Variants in MRC2 observed in about 807,000 individuals in gnomAD.
MRC2 encodes C-type mannose receptor 2.
A neutral mutation model predicts 206.2 loss-of-function variants in MRC2; 84 were observed. The ratio of observed to expected loss-of-function variants is 0.41; its 90% CI spans 0.34 to 0.49. The LOEUF is 0.49. Among genes scored for constraint, MRC2 ranks in the 20% least tolerant of loss-of-function variants. The pLI is 0.31. For missense variants in MRC2, 1,676 were observed against 2,001.5 expected (o/e 0.84, Z 3.10); for synonymous variants, 798 against 800.0 (o/e 1.00, Z 0.04).
chr17:62,682,147 T>A, intron 19 of MRC2, 88 bp from the exon 20 acceptor site: 2 of 1,369,758 alleles, frequency 1.5e-6, no homozygotes, highest in Non-Finnish European at 2.0e-6. Flanking sequence ...CCCAGACTCC[T>A]CTCAGGGCAT....
At chr17:62,658,477 G>A (rs146912690) in intron 1 of MRC2, among the ~76,000 whole-genome samples, 104 of 152,264 alleles carry the variant, frequency 6.8e-4, no homozygotes, top group African/African-American at 1.5e-3. Context: ...TTCTAATCCC[G>A]TCCCCTTTCT....
At position 62,678,573 on chromosome 17, in the gene MRC2, G is replaced by C. The variant is rs1490733309; in HGVS notation, c.2122G>C (p.Gly708Arg). The C allele has an allele frequency of 6.2e-7, 1 of 1,608,916 alleles. No individual in the cohort carries two copies. The highest frequency in any genetic ancestry group is 8.5e-7 in the Non-Finnish European group (1 of 1,178,686). ...GGCCCAGGGGGCCTGCCAGGAGCTG[G>C]GGGCCCAGCTGCTGAGCCTGGCCAG... ...VQAQGACQEL[G>R]AQLLSLASYE... is the part of the protein sequence containing the mutation. The change falls in exon 13 of 30, where the codon GGG (glycine) becomes CGG (arginine). Residue 708 changes from glycine to arginine, a missense_variant. By Grantham distance (125) the Gly-to-Arg change is moderately radical. Transcript: ENST00000303375.
intron 13 of MRC2, among the ~76,000 whole-genome samples, chr17:62,678,860 A>G (rs971149425): frequency 2.6e-5 from 4 of 152,072 alleles, no homozygotes; most frequent in Non-Finnish European, 5.9e-5. Context: ...GGCTGGTGTG[A>G]TCCATGCACT....
chr17:62,666,744 T>A lies in MRC2; in HGVS notation c.860-13T>A. On this transcript the variant is annotated splice_polypyrimidine_tract_variant and intron_variant, in intron 4 of 29. Coordinates refer to ENST00000303375, the MANE Select transcript of MRC2 (RefSeq NM_006039.5). This position sits in a 1 kb window ranked among gnomAD's most constrained non-coding sequence, Gnocchi z 5.0. ...CTGGGGATCCCCTGTTCAGTGTCCC[T>A]CCTTGCTGTCAGGCCTCCTCACTGG... 3 of 1,612,552 alleles carry A rather than the reference T, an allele frequency of 1.9e-6. No individual in the cohort carries two copies. The highest frequency in any genetic ancestry group is 2.5e-6 in the Non-Finnish European group (3 of 1,179,174).
chr17:62,687,598 G>A (rs1342528397), intron 20 of MRC2, among the ~76,000 whole-genome samples: 2 of 152,208 alleles, frequency 1.3e-5, no homozygotes, highest in African/African-American at 4.8e-5. Context: ...ACCTTATAGA[G>A]CTAATGAAAG....
In MRC2 at chr17:62,675,445, G is replaced by A. The variant is rs557361834; in HGVS notation, c.1570-345G>A. Among the ~76,000 whole-genome samples the A allele has an allele frequency of 6.6e-6, 1 of 152,182 alleles. No individual in the cohort carries two copies. Among genetic ancestry groups the A allele is most frequent in the Non-Finnish European group, 1.5e-5 (1 of 68,032 alleles). ...CCCAGCCTTTAGCTGTGGTTTCCCA[G>A]CCAACAGTAATTTCCCCACTGTGTC... is the stretch of plus-strand genomic sequence containing the variant. On this transcript the variant is annotated intron_variant, in intron 9 of 29. Coordinates refer to ENST00000303375, the MANE Select transcript of MRC2 (RefSeq NM_006039.5). The surrounding 1 kb of genome is among the most constrained non-coding windows in gnomAD (Gnocchi z 4.1).
intron 6 of MRC2, among the ~76,000 whole-genome samples, chr17:62,670,231 G>A (rs1029731853): frequency 3.9e-5 from 6 of 152,212 alleles, no homozygotes; most frequent in Non-Finnish European, 8.8e-5. Context: ...GAAGGCAGGC[G>A]CCCCGTCGTG....
Position 62,680,187 on chromosome 17 carries a change from C to G in MRC2, c.2316C>G (p.Phe772Leu). 6.2e-7 allele frequency: 1 copy of G among 1,614,124 alleles called. No homozygotes were observed. The highest frequency in any genetic ancestry group is 8.5e-7 in the Non-Finnish European group (1 of 1,180,002). ...SDGVGFSYHN[F>L]DRSRHDDDDI... is the part of the protein sequence containing the mutation. ...TCCTCCAGTTCTCTTACCACAATTT[C>G]GACCGGAGCCGGCACGACGACGACG... The change falls in exon 15 of 30, where the codon TTC (phenylalanine) becomes TTG (leucine). Residue 772 changes from phenylalanine (F) to leucine (L), a missense_variant. Phe to Leu is a conservative substitution (Grantham distance 22). Coordinates refer to ENST00000303375, the MANE Select transcript of MRC2 (RefSeq NM_006039.5). This position sits in a 1 kb window ranked among gnomAD's most constrained non-coding sequence, Gnocchi z 4.8.
chr17:62,681,692 G>C (rs1319774250), intron 18 of MRC2, 145 bp from the exon 19 acceptor site: 8 of 664,014 alleles, frequency 1.2e-5, no homozygotes, highest in South Asian at 5.4e-5. Context: ...CCTGAGCTCA[G>C]TAGCTCCACC....
In MRC2 at chr17:62,676,402, A is replaced by G. The variant is rs746979857; in HGVS notation, c.1705A>G (p.Ser569Gly). The G allele has an allele frequency of 2.5e-6, 4 of 1,614,072 alleles. No homozygotes were observed. Among genetic ancestry groups the G allele is most frequent in the Admixed American group, 3.3e-5 (2 of 60,004 alleles). Residue 569 changes from serine (S) to glycine (G), a missense_variant, in exon 11 of 30, where the codon AGC (serine) becomes GGC (glycine). Around this residue, in one of 3 missense-constraint regions of MRC2, gnomAD observed 1,354 missense variants for 1,636.6 expected, o/e 0.83. Coordinates refer to ENST00000303375, the MANE Select transcript of MRC2 (RefSeq NM_006039.5). ...CTGAAGGTTCGAGCAGGCCTTCGTC[A>G]GCAGCCTCATCTACAACTGGGAGGG... ...ITNRFEQAFV[S>G]SLIYNWEGEY...
At chr17:62,656,646 G>A (rs1568056948) in intron 1 of MRC2, among the ~76,000 whole-genome samples, 2 of 152,260 alleles carry the variant, frequency 1.3e-5, no homozygotes, top group Non-Finnish European at 2.9e-5. Context: ...CCTTGGTGCT[G>A]CAGCCGACCC....
At chr17:62,670,539 C>G (rs964812742) in intron 6 of MRC2, among the ~76,000 whole-genome samples, 6 of 152,264 alleles carry the variant, frequency 3.9e-5, no homozygotes, top group African/African-American at 1.4e-4. Context: ...CCGAGCATGA[C>G]ACTGTGGGTG....
chr17:62,678,625 A>C lies in MRC2; in HGVS notation c.2174A>C (p.Asn725Thr), dbSNP rs762422439. 2.5e-6 allele frequency: 4 copies of C among 1,611,872 alleles called. No individual in the cohort carries two copies. Among genetic ancestry groups the C allele is most frequent in the Non-Finnish European group, 2.5e-6 (3 of 1,179,198 alleles). The change falls in exon 13 of 30, where the codon AAC (asparagine) becomes ACC (threonine). Residue 725 changes from asparagine to threonine, a missense_variant. By Grantham distance (65) the Asn-to-Thr change is moderately conservative. Around this residue, in one of 3 missense-constraint regions of MRC2, gnomAD observed 1,354 missense variants for 1,636.6 expected, o/e 0.83. Transcript: ENST00000303375. ...TACGAGGAGGAGCACTTTGTGGCCA[A>C]CATGCTCAACAAGATCTTCGGGTAC... ...ASYEEEHFVA[N>T]MLNKIFGESE...
At chr17:62,641,463 C>T (rs575849209) in intron 1 of MRC2, among the ~76,000 whole-genome samples, 22 of 152,160 alleles carry the variant, frequency 1.4e-4, no homozygotes, top group Admixed American at 9.8e-4. Flanking sequence ...AAGGACTCAA[C>T]GGGAAGCAGC....
chr17:62,671,165 C>T lies in MRC2; in HGVS notation c.1118-484C>T, dbSNP rs945514647. On this transcript the variant is annotated intron_variant, in intron 6 of 29. Coordinates refer to ENST00000303375, the MANE Select transcript of MRC2 (RefSeq NM_006039.5). This position sits in a 1 kb window ranked among gnomAD's most constrained non-coding sequence, Gnocchi z 4.5. ...TGGCTCACTGCAGCCTTGACCTCCC[C>T]GGGTCAAGTGATCCTCCCACCTCAG... 1.3e-5 allele frequency among the ~76,000 whole-genome samples: 2 copies of T among 152,158 alleles called. No homozygotes were observed. Among genetic ancestry groups the T allele is most frequent in the African/African-American group, 4.8e-5 (2 of 41,420 alleles).
chr17:62,677,917 G>T (rs183628989), intron 12 of MRC2, among the ~76,000 whole-genome samples: 18 of 152,294 alleles, frequency 1.2e-4, no homozygotes, highest in Admixed American at 7.8e-4. Context: ...AGGTGTGGTG[G>T]CAGGCGCCTG....
At chr17:62,681,241 G>A in intron 18 of MRC2, 112 bp downstream of exon 18, 1 of 1,305,926 alleles carries the variant, frequency 7.7e-7, no homozygotes, top group Non-Finnish European at 1.1e-6. Flanking sequence ...CTGGCTGTGT[G>A]GCCTTGAGCA....
At chr17:62,647,909 G>A (rs891607900) in intron 1 of MRC2, among the ~76,000 whole-genome samples, 4 of 152,144 alleles carry the variant, frequency 2.6e-5, no homozygotes, top group African/African-American at 9.7e-5. Context: ...GCAGCACGAG[G>A]TACCTGCTCA....
chr17:62,680,008 C>T lies in MRC2; in HGVS notation c.2298+106C>T. On this transcript the variant is annotated intron_variant, in intron 14 of 29. Coordinates refer to ENST00000303375, the MANE Select transcript of MRC2 (RefSeq NM_006039.5). This position sits in a 1 kb window ranked among gnomAD's most constrained non-coding sequence, Gnocchi z 4.8. ...GGCGGGTTTTCTTGAGGGCCGGGCC[C>T]CCAGTCGGAGCCGGCTTCAGGAAAG... The T allele has an allele frequency of 6.8e-7, 1 of 1,466,810 alleles. No homozygotes were observed. The highest frequency in any genetic ancestry group is 1.3e-5 in the South Asian group (1 of 75,904). The allele number at this position is 1,466,810 out of a possible 1,614,324, so 90.9% of individuals were successfully genotyped here. A position where few individuals can be genotyped will look rare whatever the true frequency, so the allele number is the denominator to read the frequency against.
Sources: allele counts gnomAD v4.1 joint callset (sites outside exome capture counted in the v4.1 genomes callset), GRCh38; gene constraint gnomAD v4.1.1; regional missense constraint gnomAD v4.1.1; non-coding constraint Gnocchi (gnomAD v3.1); transcripts MANE v1.5; gene names NCBI Gene and HGNC (gene_info 2026-07-23, HGNC 2026-07-21).